SKI: variants seen among roughly 807,000 people sequenced by gnomAD.
SKI encodes the protein ski oncogene.
SKI carries 23 observed loss-of-function variants against 59.3 expected under a neutral mutation model. The ratio of observed to expected loss-of-function variants is 0.39; its 90% CI spans 0.28 to 0.55. The LOEUF (loss-of-function observed/expected upper bound fraction) is 0.55, where lower values mean the gene tolerates loss of function less well. SKI is among the 20% of genes least tolerant of loss of function. SKI has a pLI of 0.67. For synonymous variants in SKI, 673 were observed against 488.6 expected, an observed-to-expected ratio of 1.38 and a Z score of -4.98; for missense variants, 1,017 against 1,038.9, an observed-to-expected ratio of 0.98 and a Z score of 0.29.
rs2100925789 is a variant in SKI, at chr1:2,306,626, A to AGCTGCGGGCCGACCT, written c.2057_2071dup (p.Ala686_Arg690dup). On this transcript the variant is annotated inframe_insertion, in exon 7 of 7. Transcript: ENST00000378536. ...CAGCACGCGGAGGCGGACCGGGAGCAGCTGCGGGCCGACCTGCTGCGGGAG... is the reference window on the plus strand; with the variant it reads ...CAGCACGCGGAGGCGGACCGGGAGCAGCTGCGGGCCGACCTGCTGCGGGCCGACCTGCTGCGGGAG... 1.9e-6 allele frequency: 3 copies of AGCTGCGGGCCGACCT among 1,544,888 alleles called. No homozygotes were observed. Among genetic ancestry groups the AGCTGCGGGCCGACCT allele is most frequent in the Non-Finnish European group, 2.6e-6 (3 of 1,145,412 alleles).
chr1:2,291,372 G>A (rs548334914), intron 1 of SKI, among the ~76,000 whole-genome samples: 1 of 152,320 alleles, frequency 6.6e-6, no homozygotes, highest in African/African-American at 2.4e-5. Context: ...TCTGTGGTTC[G>A]AGGCTGAGTG....
chr1:2,242,373 G>A (rs1638899130), intron 1 of SKI, among the ~76,000 whole-genome samples: 1 of 152,160 alleles, frequency 6.6e-6, no homozygotes, highest in South Asian at 2.1e-4. Context: ...GTTTGTTCAC[G>A]TCAGGGGAGA....
At chr1:2,284,413 G>C (rs1639986486) in intron 1 of SKI, among the ~76,000 whole-genome samples, 1 of 152,338 alleles carries the variant, frequency 6.6e-6, no homozygotes, top group East Asian at 1.9e-4. Context: ...GACCTCTTTT[G>C]TAACAGTTAT....
intron 1 of SKI, among the ~76,000 whole-genome samples, chr1:2,247,278 T>C (rs1639020194): frequency 6.6e-6 from 1 of 151,186 alleles, no homozygotes; most frequent in Non-Finnish European, 1.5e-5. Flanking sequence ...TGTGCATGGG[T>C]GTGTGCAGCT....
Position 2,308,706 on chromosome 1 carries a change from G to A in SKI, c.*1941G>A, listed in dbSNP as rs1640662405. 6.6e-6 allele frequency: 1 copy of A among 152,078 alleles called. No homozygotes were observed. Among genetic ancestry groups the A allele is most frequent in the Non-Finnish European group, 1.5e-5 (1 of 68,016 alleles). The allele number at this position is 152,078 out of a possible 1,614,324, so 9.4% of individuals were successfully genotyped here. ...TCTGTGTGGCTGTCCTGTGTCGCCA[G>A]GTCGAAGATCACAGTGAGGTAGAGG... On this transcript the variant is annotated 3_prime_UTR_variant, in exon 7 of 7. Transcript: ENST00000378536.
At chr1:2,293,630 T>C (rs1553199307) in intron 1 of SKI, among the ~76,000 whole-genome samples, 1 of 152,206 alleles carries the variant, frequency 6.6e-6, no homozygotes, top group Non-Finnish European at 1.5e-5. Flanking sequence ...GATGTCTCCT[T>C]CTCATTCCCC....
chr1:2,272,785 T>C (rs560285771), intron 1 of SKI, among the ~76,000 whole-genome samples: 189 of 152,220 alleles, frequency 1.2e-3, no homozygotes, highest in Non-Finnish European at 2.5e-3. Context: ...CCGGCCTATG[T>C]GTGCTGACCC....
In SKI at chr1:2,304,529, G is replaced by A. The variant is rs190373826; in HGVS notation, c.1711G>A (p.Val571Met). Residue 571 changes from valine (V) to methionine (M), a missense_variant, in exon 5 of 7, where the codon GTG (valine) becomes ATG (methionine). Val to Met is a conservative substitution (Grantham distance 21). Coordinates refer to ENST00000378536, the MANE Select transcript of SKI (RefSeq NM_003036.4). ...CCTGCATGAGGTGGTCAAGATGCGC[G>A]TGAAGCAGGAGGAGAAGCTCAGCGC... ...KFLHEVVKMR[V>M]KQEEKLSAAL... 1.1e-5 allele frequency: 18 copies of A among 1,581,270 alleles called. No homozygotes were observed. The highest frequency in any genetic ancestry group is 9.5e-5 in the African/African-American group (7 of 74,040).
Position 2,278,703 on chromosome 1 carries a change from C to T in SKI, c.970-24275C>T, listed in dbSNP as rs1481392348. Among the ~76,000 whole-genome samples, 3 of 151,878 alleles carry T rather than the reference C, an allele frequency of 2.0e-5. 1 individual carries two copies. The highest frequency in any genetic ancestry group is 4.4e-5 in the Non-Finnish European group (3 of 67,928). On this transcript the variant is annotated intron_variant, in intron 1 of 6. Coordinates refer to ENST00000378536, the MANE Select transcript of SKI (RefSeq NM_003036.4). ...TGATGCCACTCAGGTGGGTGCCCAGCTCCCCACCTGATCTCTGGAGTGGCC... is the reference window on the plus strand; with the variant it reads ...TGATGCCACTCAGGTGGGTGCCCAGTTCCCCACCTGATCTCTGGAGTGGCC...
rs760271148 is a variant in SKI at position 2,306,831 on chromosome 1, AGCTCCGCCCG to A, written c.*76_*85del. The A allele has an allele frequency of 1.8e-3, 2,111 of 1,169,052 alleles. 7 individuals are homozygous for A. The highest frequency in any genetic ancestry group is 2.5e-3 in the South Asian group (127 of 51,598). 72.4% of individuals were successfully genotyped at this position (1,169,052 alleles called of 1,614,324 possible). ...GCAGGGGGGCGCGGCTGGGCGGTGC[AGCTCCGCCCG>A]GCTCCGCCCCTGCAGCCCACACAGC... On this transcript the variant is annotated 3_prime_UTR_variant, in exon 7 of 7. Transcript: ENST00000378536.
chr1:2,243,549 G>C (rs1028174402), intron 1 of SKI, among the ~76,000 whole-genome samples: 2 of 152,242 alleles, frequency 1.3e-5, no homozygotes, highest in African/African-American at 4.8e-5. Context: ...CTTGGGACGA[G>C]TGGGCAGAGT....
chr1:2,246,855 G>T (rs375811688), intron 1 of SKI, among the ~76,000 whole-genome samples: 1 of 120,432 alleles, frequency 8.3e-6, no homozygotes, highest in Non-Finnish European at 1.6e-5. Context: ...GAACCTGATG[G>T]GGGGGGCCTC....
intron 1 of SKI, among the ~76,000 whole-genome samples, chr1:2,239,636 C>T (rs1057479823): frequency 1.3e-5 from 2 of 152,250 alleles, no homozygotes; most frequent in Non-Finnish European, 2.9e-5. Flanking sequence ...GTCCTGGTGG[C>T]GGGCTCCCTG....
At chr1:2,288,400 G>C (rs1640090830) in intron 1 of SKI, among the ~76,000 whole-genome samples, 1 of 152,220 alleles carries the variant, frequency 6.6e-6, no homozygotes, top group South Asian at 2.1e-4. Flanking sequence ...GAGATTACAG[G>C]CATGAGCCAC....
At position 2,270,767 on chromosome 1, in the gene SKI, C is replaced by T. The variant is rs367977615; in HGVS notation, c.970-32211C>T. ...CCTCTGGGCCCCTGGACTCTGGGGG[C>T]GAGGGCAGGGCTGTTTGGCTGTTGG... On this transcript the variant is annotated intron_variant, in intron 1 of 6. Transcript: ENST00000378536. The surrounding 1 kb of genome is among the most constrained non-coding windows in gnomAD (Gnocchi z 4.1). Among the ~76,000 whole-genome samples the T allele has an allele frequency of 1.8e-4, 27 of 152,288 alleles. 1 individual carries two copies. The highest frequency in any genetic ancestry group is 1.0e-3 in the South Asian group (5 of 4,832).
chr1:2,242,328 G>C (rs1042014663), intron 1 of SKI, among the ~76,000 whole-genome samples: 1 of 152,264 alleles, frequency 6.6e-6, no homozygotes, highest in Non-Finnish European at 1.5e-5. Flanking sequence ...CTCTGTCTTT[G>C]TTCTTGGTGG....
chr1:2,267,214 C>T lies in SKI; in HGVS notation c.970-35764C>T, dbSNP rs770153927. On this transcript the variant is annotated intron_variant, in intron 1 of 6. Transcript: ENST00000378536. The surrounding 1 kb of genome is among the most constrained non-coding windows in gnomAD (Gnocchi z 4.1). ...TTTGTAACAAGCTTGGTGTCCATATCGCTCTTAATAACATCTGCAGGCACA... is the reference window on the plus strand; with the variant it reads ...TTTGTAACAAGCTTGGTGTCCATATTGCTCTTAATAACATCTGCAGGCACA... Among the ~76,000 whole-genome samples, 5 of 152,148 alleles carry T rather than the reference C, an allele frequency of 3.3e-5. No individual in the cohort carries two copies. The highest frequency in any genetic ancestry group is 2.1e-4 in the South Asian group (1 of 4,828).
chr1:2,275,882 T>G (rs1009724251), intron 1 of SKI, among the ~76,000 whole-genome samples: 4 of 151,974 alleles, frequency 2.6e-5, no homozygotes, highest in Non-Finnish European at 5.9e-5. Flanking sequence ...GCAGGCCCCG[T>G]TGCCTCCACC....
intron 1 of SKI, among the ~76,000 whole-genome samples, chr1:2,299,589 T>TG (rs1396817848): frequency 1.3e-5 from 2 of 152,120 alleles, no homozygotes; most frequent in Non-Finnish European, 2.9e-5. Context: ...CTCCTTGCTC[T>TG]GGGGGGTTGA....
Sources: allele counts gnomAD v4.1 joint callset (sites outside exome capture counted in the v4.1 genomes callset), GRCh38; gene constraint gnomAD v4.1.1; non-coding constraint Gnocchi (gnomAD v3.1); transcripts MANE v1.5; gene names NCBI Gene and HGNC (gene_info 2026-07-23, HGNC 2026-07-21).